Variants in PHF20 observed in about 807,000 individuals in gnomAD.
PHF20 encodes PHD finger protein 20, also known as glioma-expressed antigen 2.
Under a neutral mutation model 113.5 loss-of-function variants are expected in PHF20, and 23 were observed. The ratio of observed to expected loss-of-function variants is 0.20; its 90% CI spans 0.15 to 0.29. The LOEUF (loss-of-function observed/expected upper bound fraction) is 0.29, where lower values mean the gene tolerates loss of function less well. Among genes scored for constraint, PHF20 ranks in the 10% least tolerant of loss-of-function variants. The pLI is 1.00. For missense variants in PHF20, 943 were observed against 1,219.6 expected, an observed-to-expected ratio of 0.77 and a Z score of 3.38; for synonymous variants, 434 against 457.3, an observed-to-expected ratio of 0.95 and a Z score of 0.65.
In PHF20 at chr20:35,939,012, T is replaced by C; in HGVS notation, c.2616T>C (p.His872=). The C allele has an allele frequency of 1.2e-6, 2 of 1,614,070 alleles. No homozygotes were observed. Among genetic ancestry groups the C allele is most frequent in the Non-Finnish European group, 1.7e-6 (2 of 1,179,978 alleles). ...TCGACGATGCGGTCAACCCCCTCCA[T>C]GAGAACGGCGATGATTCCCTTTCCC... The part of the protein sequence containing the change: ...SALDDAVNPL[H]ENGDDSLSPR... Residue 872 remains histidine, a synonymous_variant, in exon 16 of 18, where the codon CAT becomes CAC. Transcript: ENST00000374012.
intron 1 of PHF20, among the ~76,000 whole-genome samples, chr20:35,779,817 G>T (rs1429330496): frequency 2.0e-5 from 3 of 152,152 alleles, no homozygotes. Flanking sequence ...CACTGTGCCC[G>T]GCCAATGCCT....
At chr20:35,825,969 C>T (rs938338143) in intron 2 of PHF20, among the ~76,000 whole-genome samples, 6 of 152,102 alleles carry the variant, frequency 3.9e-5, no homozygotes, top group South Asian at 4.1e-4. Context: ...ATGGGCACTC[C>T]GGAAGCTTTT....
chr20:35,949,042 T>C lies in PHF20; in HGVS notation c.*1415T>C, dbSNP rs2056133321. On this transcript the variant is annotated 3_prime_UTR_variant, in exon 18 of 18. Coordinates refer to ENST00000374012, the MANE Select transcript of PHF20 (RefSeq NM_016436.5). ...TTGTGGACATGAATTCAGGCCTCTGTACTAAAATCTATTTCAGGGAATGTT... is the reference window on the plus strand; with the variant it reads ...TTGTGGACATGAATTCAGGCCTCTGCACTAAAATCTATTTCAGGGAATGTT... 6.5e-6 allele frequency: 1 copy of C among 152,674 alleles called. No homozygotes were observed. The highest frequency in any genetic ancestry group is 2.4e-5 in the African/African-American group (1 of 41,466). The allele number at this position is 152,674 out of a possible 1,614,324, so 9.5% of individuals were successfully genotyped here.
At chr20:35,933,557 C>T (rs368493776) in intron 15 of PHF20, among the ~76,000 whole-genome samples, 12 of 152,070 alleles carry the variant, frequency 7.9e-5, no homozygotes, top group South Asian at 2.1e-4. Context: ...CCACCACGCC[C>T]GGCTAATTTT....
intron 1 of PHF20, among the ~76,000 whole-genome samples, chr20:35,779,375 A>T (rs2041239235): frequency 6.6e-6 from 1 of 152,042 alleles, no homozygotes; most frequent in East Asian, 1.9e-4. Flanking sequence ...ATTCCATGTC[A>T]GGAACATAAT....
intron 2 of PHF20, among the ~76,000 whole-genome samples, chr20:35,839,653 T>C (rs2146933127): frequency 6.6e-6 from 1 of 152,320 alleles, no homozygotes; most frequent in East Asian, 1.9e-4. Context: ...CTTGTATTTA[T>C]AGCAGCTGTC....
intron 2 of PHF20, among the ~76,000 whole-genome samples, chr20:35,831,412 C>T (rs570373956): frequency 2.0e-5 from 3 of 152,282 alleles, no homozygotes; most frequent in African/African-American, 4.8e-5. Context: ...AGGGGATCCT[C>T]CTTCAGCCAC....
intron 4 of PHF20, among the ~76,000 whole-genome samples, chr20:35,849,973 C>T (rs1272450158): frequency 6.6e-6 from 1 of 152,166 alleles, no homozygotes; most frequent in Non-Finnish European, 1.5e-5. Flanking sequence ...GTGGCAGCTG[C>T]TGGCACTGAG....
At chr20:35,911,032 G>A (rs1170132561) in intron 10 of PHF20, among the ~76,000 whole-genome samples, 1 of 151,590 alleles carries the variant, frequency 6.6e-6, no homozygotes, top group Non-Finnish European at 1.5e-5. Context: ...GTTGCTGTTC[G>A]TACCTTTTTT....
intron 3 of PHF20, among the ~76,000 whole-genome samples, chr20:35,844,401 CGGTTTTTTTTTTTT>C (rs1318775093): frequency 1.0e-3 from 148 of 146,826 alleles, no homozygotes; most frequent in African/African-American, 2.8e-3. Flanking sequence ...CGCGCCCAGC[CGGTTTTTTTTTTTT>C]GGTTTTTTTT....
At chr20:35,788,043 G>A (rs757682253) in intron 1 of PHF20, among the ~76,000 whole-genome samples, 2 of 152,128 alleles carry the variant, frequency 1.3e-5, no homozygotes, top group Non-Finnish European at 2.9e-5. Context: ...CTCCCAAAGT[G>A]CTGGGATTAC....
chr20:35,772,063 C>T lies in PHF20; in HGVS notation c.-49C>T, dbSNP rs1159222874. On this transcript the variant is annotated 5_prime_UTR_variant, in exon 1 of 18. Coordinates refer to ENST00000374012, the MANE Select transcript of PHF20 (RefSeq NM_016436.5). ...TCGGTTGGTCCTGGAGCGGCGCAGCCGGAGTGGGGCCGTGAGGTGAGCTCG... is the reference window on the plus strand; with the variant it reads ...TCGGTTGGTCCTGGAGCGGCGCAGCTGGAGTGGGGCCGTGAGGTGAGCTCG... The T allele has an allele frequency of 6.6e-6, 1 of 151,494 alleles. No homozygotes were observed. Among genetic ancestry groups the T allele is most frequent in the African/African-American group, 2.4e-5 (1 of 41,246 alleles). 9.4% of individuals were successfully genotyped at this position (151,494 alleles called of 1,614,324 possible).
At chr20:35,908,900 T>C (rs2055247359) in intron 10 of PHF20, among the ~76,000 whole-genome samples, 1 of 152,202 alleles carries the variant, frequency 6.6e-6, no homozygotes, top group Non-Finnish European at 1.5e-5. Flanking sequence ...GTAACCTTGC[T>C]GTAAGTGCTG....
intron 1 of PHF20, chr20:35,800,280 CT>C (rs1418637720): frequency 6.6e-6 from 1 of 151,918 alleles, no homozygotes; most frequent in Non-Finnish European, 1.5e-5. Context: ...GGAAATATAG[CT>C]GGGCATGGTG....
Position 35,847,248 on chromosome 20 carries a change from T to C in PHF20, c.256-102T>C, listed in dbSNP as rs540872004. The C allele has an allele frequency of 5.3e-5, 38 of 711,130 alleles. No homozygotes were observed. The African/African-American group carries it at 6.5e-4, about 12-fold the overall frequency. 44.1% of individuals were successfully genotyped at this position (711,130 alleles called of 1,614,324 possible). On this transcript the variant is annotated intron_variant, in intron 3 of 17. Coordinates refer to ENST00000374012, the MANE Select transcript of PHF20 (RefSeq NM_016436.5). ...TCAACAGCTACTTTCCCTTCACACT[T>C]TCTTATCAATCCCAGCTTCTTTTAT...
intron 9 of PHF20, among the ~76,000 whole-genome samples, chr20:35,881,492 G>A (rs1194373593): frequency 1.4e-5 from 2 of 144,952 alleles, no homozygotes; most frequent in African/African-American, 5.1e-5. Context: ...AGTGAGCTGA[G>A]ATAGCACCAC....
At chr20:35,800,280 C>T (rs1380661072) in intron 1 of PHF20, 1 of 151,918 alleles carries the variant, frequency 6.6e-6, no homozygotes, top group Non-Finnish European at 1.5e-5. Context: ...GGAAATATAG[C>T]TGGGCATGGT....
chr20:35,877,190 T>C (rs1472736839), intron 9 of PHF20, among the ~76,000 whole-genome samples: 1 of 140,728 alleles, frequency 7.1e-6, no homozygotes, highest in Non-Finnish European at 1.5e-5. Flanking sequence ...CTTGGGAGGC[T>C]GAGGCAGGAG....
At chr20:35,772,645 C>T (rs1398367323) in intron 1 of PHF20, among the ~76,000 whole-genome samples, 1 of 151,892 alleles carries the variant, frequency 6.6e-6, no homozygotes, top group African/African-American at 2.4e-5. Flanking sequence ...ATCTAAATTT[C>T]TAAAAGCCCT....
Sources: allele counts gnomAD v4.1 joint callset (sites outside exome capture counted in the v4.1 genomes callset), GRCh38; gene constraint gnomAD v4.1.1; transcripts MANE v1.5; gene names NCBI Gene and HGNC (gene_info 2026-07-23, HGNC 2026-07-21).